Variants in FOXJ3 observed in about 807,000 individuals in gnomAD.
FOXJ3 encodes forkhead box protein J3.
In FOXJ3, 22 loss-of-function variants were observed where a neutral mutation model predicts 76.1. The observed-to-expected ratio is 0.29, with a 90% CI of 0.21 to 0.41. The LOEUF (loss-of-function observed/expected upper bound fraction) is 0.41, where lower values mean the gene tolerates loss of function less well. FOXJ3 is among the 10% of genes least tolerant of loss of function. The pLI is 1.00. For missense variants in FOXJ3, 613 were observed against 762.1 expected, an observed-to-expected ratio of 0.80 and a Z score of 2.30; for synonymous variants, 269 against 261.2, an observed-to-expected ratio of 1.03 and a Z score of -0.29.
At chr1:42,213,392 T>C (rs1216215653) in intron 5 of FOXJ3, among the ~76,000 whole-genome samples, 1 of 151,906 alleles carries the variant, frequency 6.6e-6, no homozygotes, top group Non-Finnish European at 1.5e-5. Context: ...AAAAAGATAT[T>C]TCTGGCAAAT....
At chr1:42,307,677 C>T (rs1654549087) in intron 2 of FOXJ3, among the ~76,000 whole-genome samples, 1 of 151,986 alleles carries the variant, frequency 6.6e-6, no homozygotes, top group African/African-American at 2.4e-5. Flanking sequence ...TAAAGTAGAC[C>T]AAAATGTCAG....
chr1:42,294,990 A>C (rs1262806440), intron 2 of FOXJ3, among the ~76,000 whole-genome samples: 3 of 152,198 alleles, frequency 2.0e-5, no homozygotes, highest in Non-Finnish European at 4.4e-5. Context: ...ATGTTTTCTA[A>C]ATTCATTCCA....
chr1:42,210,145 T>C (rs569625871), intron 5 of FOXJ3, among the ~76,000 whole-genome samples: 16 of 152,280 alleles, frequency 1.1e-4, no homozygotes, highest in Non-Finnish European at 1.9e-4. Flanking sequence ...CGATGCCCCA[T>C]GCAGATTATT....
chr1:42,297,631 T>C (rs1653872479), intron 2 of FOXJ3, among the ~76,000 whole-genome samples: 1 of 152,246 alleles, frequency 6.6e-6, no homozygotes, highest in Non-Finnish European at 1.5e-5. Flanking sequence ...TCATGATTTA[T>C]TATCTTTTTG....
chr1:42,179,642 C>A lies in FOXJ3; in HGVS notation c.*68G>T, dbSNP rs1312117445. 7.3e-6 allele frequency: 7 copies of A among 963,730 alleles called. No individual in the cohort carries two copies. In the East Asian group the frequency reaches 1.7e-4, roughly 23 times the overall value. The allele number at this position is 963,730 out of a possible 1,614,324, so 59.7% of individuals were successfully genotyped here. Reference sequence around the variant, plus strand: ...GCAAGTTTGTTTTCTCAACTGGATTCTCTTAAACCTTTCCCTTCACTGCAC... The same window carrying A: ...GCAAGTTTGTTTTCTCAACTGGATTATCTTAAACCTTTCCCTTCACTGCAC... On this transcript the variant is annotated 3_prime_UTR_variant, in exon 13 of 13. Coordinates refer to ENST00000361346, the MANE Select transcript of FOXJ3 (RefSeq NM_014947.5).
intron 4 of FOXJ3, among the ~76,000 whole-genome samples, chr1:42,251,598 A>G (rs531878437): frequency 1.0e-3 from 154 of 152,076 alleles, no homozygotes; most frequent in African/African-American, 3.3e-3. Flanking sequence ...ATGCTGGATT[A>G]CATTTATTGA....
chr1:42,189,519 A>G, intron 9 of FOXJ3, 115 bp from the exon 10 acceptor site: 2 of 714,742 alleles, frequency 2.8e-6, no homozygotes, highest in Non-Finnish European at 4.9e-6. Context: ...CCCGTCTTAC[A>G]AGGGGATTTG....
chr1:42,309,307 C>A (rs1240200585), intron 2 of FOXJ3, among the ~76,000 whole-genome samples: 1 of 152,160 alleles, frequency 6.6e-6, no homozygotes, highest in Non-Finnish European at 1.5e-5. Context: ...ACATACAAGG[C>A]AGCCTCCTGC....
intron 5 of FOXJ3, among the ~76,000 whole-genome samples, chr1:42,219,471 C>T (rs1647136222): frequency 1.3e-5 from 2 of 152,176 alleles, no homozygotes; most frequent in African/African-American, 2.4e-5. Flanking sequence ...GGTCTTGGAA[C>T]GTATACCCCT....
chr1:42,330,341 G>A (rs558127276), intron 1 of FOXJ3, among the ~76,000 whole-genome samples: 4 of 152,224 alleles, frequency 2.6e-5, no homozygotes, highest in Admixed American at 1.3e-4. Flanking sequence ...TTTTAAGTCC[G>A]GAAGAAAATC....
At chr1:42,259,552 G>C (rs1650876638) in intron 4 of FOXJ3, among the ~76,000 whole-genome samples, 1 of 152,076 alleles carries the variant, frequency 6.6e-6, no homozygotes, top group Non-Finnish European at 1.5e-5. Context: ...TTAACGTCAG[G>C]GCTCTAGGCC....
chr1:42,278,416 A>G lies in FOXJ3; in HGVS notation c.301T>C (p.Leu101=). 6.2e-7 allele frequency: 1 copy of G among 1,614,108 alleles called. No homozygotes were observed. Among genetic ancestry groups the G allele is most frequent in the Non-Finnish European group, 8.5e-7 (1 of 1,179,938 alleles). Reference sequence around the variant, plus strand: ...CAAATCCACTGATAAATTTCACTTAAAGTCATTTTCTTTTTGGGTGAGCTA... The same window carrying G: ...CAAATCCACTGATAAATTTCACTTAGAGTCATTTTCTTTTTGGGTGAGCTA... ...INSSPKKKMT[L]SEIYQWICDN... The change falls in exon 3 of 13, where the codon TTA becomes CTA. Residue 101 remains leucine (L), a synonymous_variant. Transcript: ENST00000361346.
intron 2 of FOXJ3, among the ~76,000 whole-genome samples, chr1:42,299,507 G>A (rs115209637): frequency 6.6e-6 from 1 of 150,474 alleles, no homozygotes; most frequent in Admixed American, 6.6e-5. Context: ...AGTGTGTGTG[G>A]GGGGGTCTCT....
intron 5 of FOXJ3, among the ~76,000 whole-genome samples, chr1:42,210,062 A>G (rs920164485): frequency 5.3e-5 from 8 of 152,186 alleles, no homozygotes; most frequent in African/African-American, 1.9e-4. Flanking sequence ...TGCTGCTAGC[A>G]AAACACTGGG....
chr1:42,206,121 T>C (rs1646856662), intron 5 of FOXJ3: 1 of 375,800 alleles, frequency 2.7e-6, no homozygotes, highest in Non-Finnish European at 4.8e-6. Context: ...ACAAATAAAC[T>C]TCTGTAGTGA....
Position 42,182,642 on chromosome 1 carries a change from C to T in FOXJ3, c.1646-618G>A, listed in dbSNP as rs142780092. ...CCTCCCAAGTAGCTGGGATTACAGGCGTGCACTACCACGCCTGGCTAATTT... is the reference window on the plus strand; with the variant it reads ...CCTCCCAAGTAGCTGGGATTACAGGTGTGCACTACCACGCCTGGCTAATTT... On this transcript the variant is annotated intron_variant, in intron 11 of 12. Transcript: ENST00000361346. Among the ~76,000 whole-genome samples the T allele has an allele frequency of 6.5e-3, 984 of 151,082 alleles. 3 individuals carry two copies. Among genetic ancestry groups the T allele is most frequent in the Non-Finnish European group, 0.01 (679 of 67,572 alleles).
At chr1:42,297,185 G>C (rs555623839) in intron 2 of FOXJ3, among the ~76,000 whole-genome samples, 1 of 152,084 alleles carries the variant, frequency 6.6e-6, no homozygotes, top group Non-Finnish European at 1.5e-5. Context: ...ACGAAGTCTA[G>C]GAGTCTTTAG....
At chr1:42,263,520 G>A (rs750185825) in intron 4 of FOXJ3, among the ~76,000 whole-genome samples, 1 of 151,934 alleles carries the variant, frequency 6.6e-6, no homozygotes, top group Non-Finnish European at 1.5e-5. Flanking sequence ...TTCCTTTAAA[G>A]GAAAAGGTGC....
intron 5 of FOXJ3, among the ~76,000 whole-genome samples, chr1:42,220,697 G>A (rs1395400579): frequency 2.0e-5 from 3 of 152,228 alleles, no homozygotes; most frequent in Middle Eastern, 3.4e-3. Context: ...ACTGCCTCCC[G>A]GAGTCCCCAA....
Sources: allele counts gnomAD v4.1 joint callset (sites outside exome capture counted in the v4.1 genomes callset), GRCh38; gene constraint gnomAD v4.1.1; transcripts MANE v1.5; gene names NCBI Gene and HGNC (gene_info 2026-07-23, HGNC 2026-07-21).